The following PLD5 variants were observed in gnomAD, a reference collection of about 807,000 sequenced individuals.
PLD5 encodes the protein inactive phospholipase D5.
Under a neutral mutation model 61.1 loss-of-function variants are expected in PLD5, and 36 were observed. The ratio of observed to expected loss-of-function variants is 0.59; its 90% CI spans 0.45 to 0.78. PLD5 has a LOEUF of 0.78. PLD5 is among the 30% of genes least tolerant of loss of function. The pLI is 0.00. For missense variants in PLD5, 515 were observed against 644.4 expected, an observed-to-expected ratio of 0.80 and a Z score of 2.17; for synonymous variants, 243 against 242.8, an observed-to-expected ratio of 1.00 and a Z score of -0.01.
chr1:242,397,061 T>C (rs924268183), intron 1 of PLD5, among the ~76,000 whole-genome samples: 6 of 152,136 alleles, frequency 3.9e-5, no homozygotes, highest in Admixed American at 1.3e-4. Context: ...ACATGTTGAG[T>C]GTCCCAAGAA....
At chr1:242,128,344 A>T (rs1286506514) in intron 5 of PLD5, among the ~76,000 whole-genome samples, 3 of 151,348 alleles carry the variant, frequency 2.0e-5, no homozygotes, top group Non-Finnish European at 4.4e-5. Flanking sequence ...CTATTTCCCT[A>T]TCCACCTTGT....
At chr1:242,279,740 G>T (rs1363723746) in intron 3 of PLD5, among the ~76,000 whole-genome samples, 1 of 152,008 alleles carries the variant, frequency 6.6e-6, no homozygotes, top group African/African-American at 2.4e-5. Context: ...AACCATGTTG[G>T]CCAGGATGGT....
Position 242,266,077 on chromosome 1 carries a change from A to G in PLD5, c.496-629T>C, listed in dbSNP as rs530779514. Among the ~76,000 whole-genome samples the G allele has an allele frequency of 6.1e-3, 927 of 152,328 alleles. 14 individuals are homozygous for G. Among genetic ancestry groups the G allele is most frequent in the African/African-American group, 0.021 (866 of 41,566 alleles). On this transcript the variant is annotated intron_variant, in intron 3 of 9. Transcript: ENST00000536534. ...AATAAGTGAAATAAAAAACAAAATCAAAAATAAAAGTTTTTCAGCCAGGCA... is the reference window on the plus strand; with the variant it reads ...AATAAGTGAAATAAAAAACAAAATCGAAAATAAAAGTTTTTCAGCCAGGCA...
intron 2 of PLD5, among the ~76,000 whole-genome samples, chr1:242,315,828 T>C (rs1676973566): frequency 6.6e-6 from 1 of 152,192 alleles, no homozygotes; most frequent in Non-Finnish European, 1.5e-5. Flanking sequence ...AGCACAAGAT[T>C]TGAATCAGAG....
rs553232128 is a variant in PLD5, at chr1:242,385,529, C to T, written c.190-37287G>A. ...ATGGGCTCCCAGAGCTTGGGGCCTT[C>T]GCAGCCTCCATGATTGCGATGGCTC... On this transcript the variant is annotated intron_variant, in intron 1 of 9. Coordinates refer to ENST00000536534, the MANE Select transcript of PLD5 (RefSeq NM_001372062.1). Among the ~76,000 whole-genome samples, 4 of 152,292 alleles carry T rather than the reference C, an allele frequency of 2.6e-5. No homozygotes were observed. The South Asian group carries it at 6.2e-4, about 24-fold the overall frequency.
rs1475284177 is a variant in PLD5 at position 242,394,781 on chromosome 1, TATATATGTGA to T, written c.190-46549_190-46540del. Among the ~76,000 whole-genome samples, 2 of 71,368 alleles carry T rather than the reference TATATATGTGA, an allele frequency of 2.8e-5. 1 individual carries two copies. The highest frequency in any genetic ancestry group is 1.1e-4 in the African/African-American group (2 of 17,544). 46.8% of individuals were successfully genotyped at this position (71,368 alleles called of 152,430 possible). The stretch of plus-strand genomic sequence containing the variant: ...GTGTATATATGTGAATATATATGTG[TATATATGTGA>T]ATATATATGTGTATATATGTGAATA... On this transcript the variant is annotated intron_variant, in intron 1 of 9. Transcript: ENST00000536534.
intron 2 of PLD5, among the ~76,000 whole-genome samples, chr1:242,292,731 T>C (rs1675438583): frequency 6.6e-6 from 1 of 152,202 alleles, no homozygotes; most frequent in African/African-American, 2.4e-5. Flanking sequence ...CCACTAAAAA[T>C]TTTCCTCCTG....
intron 5 of PLD5, among the ~76,000 whole-genome samples, chr1:242,166,299 C>T (rs1222192458): frequency 6.6e-6 from 1 of 152,194 alleles, no homozygotes; most frequent in Non-Finnish European, 1.5e-5. Flanking sequence ...ATTAGGCTGT[C>T]CTCCAGCCAA....
chr1:242,142,723 TCTCTCTCTC>T (rs1664260507), intron 5 of PLD5, among the ~76,000 whole-genome samples: 1 of 151,142 alleles, frequency 6.6e-6, no homozygotes. Context: ...TTTCTCTCTC[TCTCTCTCTC>T]TCTCTCTCTC....
At chr1:242,338,886 T>A (rs1659678538) in intron 2 of PLD5, among the ~76,000 whole-genome samples, 1 of 152,186 alleles carries the variant, frequency 6.6e-6, no homozygotes, top group African/African-American at 2.4e-5. Flanking sequence ...AGACTTCTCT[T>A]TTCCTTCACT....
intron 1 of PLD5, among the ~76,000 whole-genome samples, chr1:242,421,040 C>T (rs1360510450): frequency 4.0e-5 from 6 of 151,602 alleles, no homozygotes; most frequent in South Asian, 2.1e-4. Context: ...ATTAGCCGGG[C>T]GTGGTGGCAC....
At chr1:242,519,746 C>T (rs963089772) in intron 1 of PLD5, among the ~76,000 whole-genome samples, 6 of 152,144 alleles carry the variant, frequency 3.9e-5, no homozygotes, top group African/African-American at 1.4e-4. Flanking sequence ...AAGAGTCAGG[C>T]CCCCAGATGA....
intron 1 of PLD5, among the ~76,000 whole-genome samples, chr1:242,500,662 C>A (rs938097453): frequency 6.6e-6 from 1 of 151,982 alleles, no homozygotes; most frequent in Admixed American, 6.6e-5. Context: ...AAACTCCTGC[C>A]GTGAGCAGGT....
intron 2 of PLD5, among the ~76,000 whole-genome samples, chr1:242,346,664 A>G (rs1035721078): frequency 6.6e-5 from 10 of 152,212 alleles, no homozygotes; most frequent in African/African-American, 2.4e-4. Context: ...TTTTAAGTTC[A>G]GGGGTACAAG....
At chr1:242,453,457 T>G (rs191301072) in intron 1 of PLD5, among the ~76,000 whole-genome samples, 1 of 152,256 alleles carries the variant, frequency 6.6e-6, no homozygotes, top group African/African-American at 2.4e-5. Context: ...GCATTTTATC[T>G]TTTTAATGAA....
intron 1 of PLD5, among the ~76,000 whole-genome samples, chr1:242,414,549 T>G (rs1664721150): frequency 6.6e-6 from 1 of 152,180 alleles, no homozygotes; most frequent in Non-Finnish European, 1.5e-5. Context: ...AAGGAAAGAT[T>G]AGAGACTAAG....
Position 242,083,226 on chromosome 1 carries a change from T to C in PLD5, c.*6628A>G, listed in dbSNP as rs911393550. 10 of 152,204 alleles carry C rather than the reference T, an allele frequency of 6.6e-5. No homozygotes were observed. Among genetic ancestry groups the C allele is most frequent in the African/African-American group, 2.4e-4 (10 of 41,464 alleles). The allele number at this position is 152,204 out of a possible 1,614,324, so 9.4% of individuals were successfully genotyped here. A position where few individuals can be genotyped will look rare whatever the true frequency, so the allele number is the denominator to read the frequency against. ...CTATTCTGGCTGTGCTTCCTATTCATCATTTACTTTCTGGTGTTCAAACTC... is the reference window on the plus strand; with the variant it reads ...CTATTCTGGCTGTGCTTCCTATTCACCATTTACTTTCTGGTGTTCAAACTC... On this transcript the variant is annotated 3_prime_UTR_variant, in exon 10 of 10. Transcript: ENST00000536534.
chr1:242,510,443 T>C (rs1173892606), intron 1 of PLD5, among the ~76,000 whole-genome samples: 1 of 152,212 alleles, frequency 6.6e-6, no homozygotes, highest in Non-Finnish European at 1.5e-5. Context: ...AAAGTCACTG[T>C]ACCACTTAGC....
chr1:242,360,331 A>G (rs962997337), intron 1 of PLD5, among the ~76,000 whole-genome samples: 1 of 152,214 alleles, frequency 6.6e-6, no homozygotes, highest in Non-Finnish European at 1.5e-5. Context: ...CTAATGAAAA[A>G]AAACATAAAT....
Sources: allele counts gnomAD v4.1 joint callset (sites outside exome capture counted in the v4.1 genomes callset), GRCh38; gene constraint gnomAD v4.1.1; transcripts MANE v1.5; gene names NCBI Gene and HGNC (gene_info 2026-07-23, HGNC 2026-07-21).